Variants in CDKL1 observed in about 807,000 individuals in gnomAD.
The protein encoded by CDKL1 is cyclin dependent kinase like 1.
In CDKL1, 41 loss-of-function variants were observed where a neutral mutation model predicts 42.0. That is an observed-to-expected ratio of 0.98 (90% CI 0.76 to 1.27). CDKL1 has a LOEUF of 1.27. CDKL1 is among the 50% of genes most tolerant of loss of function. The probability of loss-of-function intolerance (pLI) is 0.00; values close to 1 mark genes in which losing one functional copy is unlikely to be tolerated. For missense variants in CDKL1, 394 were observed against 428.4 expected (o/e 0.92, Z 0.71); for synonymous variants, 153 against 158.6 (o/e 0.96, Z 0.26).
At chr14:50,359,737 A>C (rs2034179817) in intron 2 of CDKL1, among the ~76,000 whole-genome samples, 1 of 151,332 alleles carries the variant, frequency 6.6e-6, no homozygotes, top group Admixed American at 6.6e-5. Flanking sequence ...CGTGTACATA[A>C]CAGGCATTCC....
chr14:50,377,700 T>C (rs765568725), intron 2 of CDKL1: 24 of 1,310,074 alleles, frequency 1.8e-5, no homozygotes, highest in Admixed American at 1.8e-4. Flanking sequence ...TCAGGGCTGG[T>C]TTTGAATGGG....
At chr14:50,332,041 G>C in intron 9 of CDKL1, 1 of 1,540,528 alleles carries the variant, frequency 6.5e-7, no homozygotes, top group Non-Finnish European at 8.7e-7. Context: ...CCTGGCCCCT[G>C]TGTGGCATCA....
chr14:50,376,864 T>C (rs557526746), intron 2 of CDKL1, among the ~76,000 whole-genome samples: 78 of 152,224 alleles, frequency 5.1e-4, no homozygotes, highest in Non-Finnish European at 9.4e-4. Flanking sequence ...ATAAGTCTTA[T>C]GGAAAGAAAC....
chr14:50,359,467 G>A (rs541542604), intron 2 of CDKL1, among the ~76,000 whole-genome samples: 12 of 151,888 alleles, frequency 7.9e-5, no homozygotes, highest in Non-Finnish European at 1.8e-4. Context: ...CCCTTCCTAG[G>A]GTCTCCATTA....
chr14:50,328,868 T>G lies in CDKL1; in HGVS notation c.*1206A>C, dbSNP rs1470857425. ...ATTAGCCAGTATAGTGGCACATGCC[T>G]GCAGTCCCAGCTACTTGGGAGGCTG... On this transcript the variant is annotated 3_prime_UTR_variant, in exon 10 of 10. Transcript: ENST00000395834. The G allele has an allele frequency of 6.6e-6, 1 of 151,490 alleles. No homozygotes were observed. Among genetic ancestry groups the G allele is most frequent in the Non-Finnish European group, 1.5e-5 (1 of 67,950 alleles). 9.4% of individuals were successfully genotyped at this position (151,490 alleles called of 1,614,324 possible).
At chr14:50,370,995 G>A (rs752618748) in intron 2 of CDKL1, among the ~76,000 whole-genome samples, 5 of 152,160 alleles carry the variant, frequency 3.3e-5, no homozygotes, top group Non-Finnish European at 7.4e-5. Flanking sequence ...ATATAAGTGA[G>A]AACATGTGCA....
intron 2 of CDKL1, among the ~76,000 whole-genome samples, chr14:50,365,003 T>C (rs1340916114): frequency 1.3e-5 from 2 of 152,212 alleles, no homozygotes; most frequent in Non-Finnish European, 1.5e-5. Flanking sequence ...AGGTAAAGTG[T>C]ACCTGGTTTG....
intron 2 of CDKL1, among the ~76,000 whole-genome samples, chr14:50,366,470 G>A (rs568706866): frequency 9.2e-5 from 14 of 152,298 alleles, no homozygotes; most frequent in Middle Eastern, 3.4e-3. Flanking sequence ...ATCCTACAGG[G>A]CCTTGCAGGC....
intron 2 of CDKL1, among the ~76,000 whole-genome samples, chr14:50,391,394 G>A (rs1184394997): frequency 6.6e-6 from 1 of 152,042 alleles, no homozygotes; most frequent in Non-Finnish European, 1.5e-5. Context: ...GAGAGTGTAT[G>A]TAAAGAATCT....
chr14:50,336,083 G>A (rs537526806), intron 7 of CDKL1: 8 of 1,365,866 alleles, frequency 5.9e-6, no homozygotes, highest in East Asian at 4.6e-5. Context: ...CTATATCATC[G>A]AGCTCTGCTG....
At chr14:50,387,515 C>T (rs913711432) in intron 2 of CDKL1, among the ~76,000 whole-genome samples, 1 of 119,258 alleles carries the variant, frequency 8.4e-6, no homozygotes, top group Non-Finnish European at 1.8e-5. Context: ...AAGACCAAGA[C>T]TCCATCTCAA....
At chr14:50,351,441 G>A (rs2033898657) in intron 3 of CDKL1, among the ~76,000 whole-genome samples, 1 of 152,086 alleles carries the variant, frequency 6.6e-6, no homozygotes, top group Non-Finnish European at 1.5e-5. Context: ...CTATTAAAAT[G>A]AGTTGGGGTG....
chr14:50,378,402 G>C (rs1195276884), intron 2 of CDKL1: 3 of 1,366,398 alleles, frequency 2.2e-6, no homozygotes. Flanking sequence ...GTCTTGAAGG[G>C]GCTGGGCCGT....
intron 9 of CDKL1, chr14:50,331,036 C>T (rs2032911108): frequency 6.6e-6 from 1 of 152,208 alleles, no homozygotes; most frequent in African/African-American, 2.4e-5. Flanking sequence ...GGAGTCGAGA[C>T]CAGCCTGCCA....
Position 50,341,027 on chromosome 14 carries a change from C to T in CDKL1, c.655+5G>A. Reference sequence around the variant, plus strand: ...TCCAAAAGGTGGGACAAAAACACCACTTACCCAAGGTCTTCCTAATCAGAT... The same window carrying T: ...TCCAAAAGGTGGGACAAAAACACCATTTACCCAAGGTCTTCCTAATCAGAT... On this transcript the variant is annotated splice_donor_5th_base_variant and intron_variant, in intron 6 of 9. Coordinates refer to ENST00000395834, the MANE Select transcript of CDKL1 (RefSeq NM_004196.7). The T allele has an allele frequency of 6.2e-7, 1 of 1,611,212 alleles. No individual in the cohort carries two copies. Among genetic ancestry groups the T allele is most frequent in the Non-Finnish European group, 8.5e-7 (1 of 1,179,954 alleles).
intron 2 of CDKL1, among the ~76,000 whole-genome samples, chr14:50,367,444 C>T (rs1039669134): frequency 3.3e-5 from 5 of 152,120 alleles, no homozygotes; most frequent in South Asian, 2.1e-4. Context: ...CAGTCTGCAG[C>T]GAATAGCTGG....
At chr14:50,387,288 G>A (rs1028431584) in intron 2 of CDKL1, among the ~76,000 whole-genome samples, 4 of 151,836 alleles carry the variant, frequency 2.6e-5, no homozygotes, top group Non-Finnish European at 4.4e-5. Flanking sequence ...TTGGGAGGCC[G>A]AGGCAGGTGG....
At chr14:50,356,149 C>G (rs1459971453) in intron 3 of CDKL1, among the ~76,000 whole-genome samples, 4 of 152,186 alleles carry the variant, frequency 2.6e-5, no homozygotes, top group Non-Finnish European at 4.4e-5. Context: ...CCTGGCAACA[C>G]CAGCATCAGT....
Position 50,345,019 on chromosome 14 carries a change from T to G in CDKL1, c.330A>C (p.Thr110=). The change falls in exon 4 of 10, where the codon ACA becomes ACC. Residue 110 remains threonine, a synonymous_variant. Coordinates refer to ENST00000395834, the MANE Select transcript of CDKL1 (RefSeq NM_004196.7). The part of the protein sequence containing the change: ...EHLVKSITWQ[T]LQAVNFCHKH... ...TATGGCAAAAATTTACAGCTTGCAG[T>G]GTCTGCCAAGTTATGCTCTTCACGA... 6.2e-7 allele frequency: 1 copy of G among 1,614,120 alleles called. No individual in the cohort carries two copies. Among genetic ancestry groups the G allele is most frequent in the Non-Finnish European group, 8.5e-7 (1 of 1,180,020 alleles).
Sources: gnomAD v4.1 joint callset for allele counts (sites outside exome capture counted in the v4.1 genomes callset) on GRCh38, gnomAD v4.1.1 for gene constraint, MANE v1.5 for transcripts, NCBI Gene and HGNC (gene_info 2026-07-23, HGNC 2026-07-21) for gene names.